Variants in QTMAN observed in about 807,000 individuals in gnomAD.
QTMAN encodes the protein tRNA-queuosine alpha-mannosyltransferase.
At chr2:144,062,511 G>A in the QTMAN span, among the ~76,000 whole-genome samples, 1 of 152,174 alleles carries the variant, frequency 6.6e-6, no homozygotes, top group African/African-American at 2.4e-5. Flanking sequence ...TTAAAATAGA[G>A]CCTGACATGG....
the QTMAN span, among the ~76,000 whole-genome samples, chr2:144,133,266 AAT>A: frequency 5.8e-5 from 2 of 34,656 alleles, no homozygotes; most frequent in African/African-American, 2.1e-4. Context: ...AATATATATA[AAT>A]ATATATTTAT....
At chr2:144,052,676 A>G in the QTMAN span, among the ~76,000 whole-genome samples, 1 of 151,806 alleles carries the variant, frequency 6.6e-6, no homozygotes, top group Non-Finnish European at 1.5e-5. Context: ...TTTGAGATGG[A>G]GTTTCGCTTT....
the QTMAN span, among the ~76,000 whole-genome samples, chr2:144,009,845 T>C: frequency 1.3e-5 from 2 of 151,936 alleles, no homozygotes; most frequent in Non-Finnish European, 2.9e-5. Flanking sequence ...AAAATTGCCA[T>C]TGATCACCAG....
chr2:144,198,341 C>T, the QTMAN span, among the ~76,000 whole-genome samples: 2 of 152,164 alleles, frequency 1.3e-5, no homozygotes, highest in African/African-American at 4.8e-5. Context: ...GTAATATAGG[C>T]CTTGCCAAAC....
the QTMAN span, among the ~76,000 whole-genome samples, chr2:144,024,820 A>C: frequency 6.6e-6 from 1 of 152,068 alleles, no homozygotes; most frequent in Non-Finnish European, 1.5e-5. Flanking sequence ...TTTTCATTTT[A>C]TTGTAATGGG....
the QTMAN span, among the ~76,000 whole-genome samples, chr2:143,991,933 C>T: frequency 6.6e-6 from 1 of 151,254 alleles, no homozygotes; most frequent in African/African-American, 2.4e-5. Context: ...CCCCGCCCGG[C>T]CAGCCACCTC....
the QTMAN span, among the ~76,000 whole-genome samples, chr2:144,046,928 T>C: frequency 1.3e-5 from 2 of 152,200 alleles, no homozygotes; most frequent in Non-Finnish European, 2.9e-5. Context: ...CTTATGCATA[T>C]CACATTAGCT....
the QTMAN span, among the ~76,000 whole-genome samples, chr2:144,287,817 GTTAA>G: frequency 2.0e-5 from 3 of 152,046 alleles, no homozygotes; most frequent in African/African-American, 7.2e-5. Context: ...TTATTATACA[GTTAA>G]TTGACAACAC....
At chr2:144,140,205 T>C in the QTMAN span, among the ~76,000 whole-genome samples, 1 of 152,036 alleles carries the variant, frequency 6.6e-6, no homozygotes, top group African/African-American at 2.4e-5. Flanking sequence ...TTTCTTAACC[T>C]TTTTCTATTT....
the QTMAN span, among the ~76,000 whole-genome samples, chr2:144,177,391 C>T: frequency 1.3e-5 from 2 of 151,890 alleles, no homozygotes; most frequent in African/African-American, 4.8e-5. Context: ...TGAAGACCAA[C>T]CCTACTAGAC....
At chr2:144,041,511 C>T in the QTMAN span, among the ~76,000 whole-genome samples, 1 of 152,166 alleles carries the variant, frequency 6.6e-6, no homozygotes, top group African/African-American at 2.4e-5. Flanking sequence ...TGTTAGGAAA[C>T]TTATGTCCTA....
the QTMAN span, among the ~76,000 whole-genome samples, chr2:144,311,947 C>T: frequency 6.6e-6 from 1 of 152,204 alleles, no homozygotes; most frequent in Non-Finnish European, 1.5e-5. Flanking sequence ...GTTTATTCAA[C>T]TGAACAAAAA....
At chr2:144,310,265 T>C in the QTMAN span, among the ~76,000 whole-genome samples, 2 of 151,778 alleles carry the variant, frequency 1.3e-5, no homozygotes, top group East Asian at 1.9e-4. Flanking sequence ...CCAGAAACAA[T>C]ATGGTGTCAA....
At chr2:143,999,111 G>A in the QTMAN span, among the ~76,000 whole-genome samples, 1 of 151,986 alleles carries the variant, frequency 6.6e-6, no homozygotes, top group Non-Finnish European at 1.5e-5. Flanking sequence ...AAAAGTTTCT[G>A]TCTCTGTCCT....
chr2:144,258,805 T>C, the QTMAN span, among the ~76,000 whole-genome samples: 47 of 152,290 alleles, frequency 3.1e-4, no homozygotes, highest in Admixed American at 1.8e-3. Context: ...TGTGTTAGTA[T>C]AAAGACTAAA....
the QTMAN span, among the ~76,000 whole-genome samples, chr2:144,248,875 T>C: frequency 1.3e-5 from 2 of 152,216 alleles, no homozygotes; most frequent in South Asian, 4.1e-4. Flanking sequence ...TCTCTCAAAC[T>C]GACTCCTGAA....
the QTMAN span, among the ~76,000 whole-genome samples, chr2:144,241,023 T>C: frequency 2.6e-5 from 4 of 152,328 alleles, no homozygotes; most frequent in Middle Eastern, 0.014. Flanking sequence ...GATTCTGGTT[T>C]CATCAATAAT....
At chr2:144,072,433 C>T in the QTMAN span, among the ~76,000 whole-genome samples, 1 of 152,136 alleles carries the variant, frequency 6.6e-6, no homozygotes, top group Non-Finnish European at 1.5e-5. Flanking sequence ...CTTGAAGACT[C>T]ACAGAATTTT....
At chr2:144,096,261 A>T in the QTMAN span, among the ~76,000 whole-genome samples, 13 of 152,230 alleles carry the variant, frequency 8.5e-5, no homozygotes, top group Non-Finnish European at 1.8e-4. Context: ...AAGCACACTG[A>T]ATCCTTTTTC....
Sources: allele counts gnomAD v4.1 joint callset (sites outside exome capture counted in the v4.1 genomes callset), GRCh38; gene constraint gnomAD v4.1.1; transcripts MANE v1.5; gene names NCBI Gene and HGNC (gene_info 2026-07-23, HGNC 2026-07-21).